The following NXPH2 variants were observed in gnomAD, a reference collection of about 807,000 sequenced individuals.
NXPH2 encodes neurexophilin-2.
Under a neutral mutation model 19.8 loss-of-function variants are expected in NXPH2, and 5 were observed. The ratio of observed to expected loss-of-function variants is 0.25; its 90% CI spans 0.13 to 0.53. The LOEUF (loss-of-function observed/expected upper bound fraction) is 0.53, where lower values mean the gene tolerates loss of function less well. NXPH2 is among the 20% of genes least tolerant of loss of function. The probability of loss-of-function intolerance (pLI) is 0.96; values close to 1 mark genes in which losing one functional copy is unlikely to be tolerated. For missense variants in NXPH2, 289 were observed against 322.8 expected (o/e 0.90, Z 0.80); for synonymous variants, 154 against 127.4 (o/e 1.21, Z -1.41).
intron 1 of NXPH2, among the ~76,000 whole-genome samples, chr2:138,673,944 G>A (rs2104964426): frequency 6.6e-6 from 1 of 151,896 alleles, no homozygotes; most frequent in South Asian, 2.1e-4. Flanking sequence ...ATATGTGTCT[G>A]TCTTATTTCA....
Position 138,670,844 on chromosome 2 carries a change from T to C in NXPH2, c.*78A>G, listed in dbSNP as rs141473891. Reference sequence around the variant, plus strand: ...TGCCAGAAACAAAAGGGATCCTTTATCATAAAGAGCTGGGCTTGTTTCTTT... The same window carrying C: ...TGCCAGAAACAAAAGGGATCCTTTACCATAAAGAGCTGGGCTTGTTTCTTT... On this transcript the variant is annotated 3_prime_UTR_variant, in exon 2 of 2. Transcript: ENST00000272641. The C allele has an allele frequency of 2.0e-4, 292 of 1,452,018 alleles. No individual in the cohort carries two copies. The African/African-American group carries it at 3.2e-3, about 16-fold the overall frequency. The allele number at this position is 1,452,018 out of a possible 1,614,324, so 89.9% of individuals were successfully genotyped here.
chr2:138,672,199 A>C (rs1013185903), intron 1 of NXPH2, among the ~76,000 whole-genome samples: 2 of 152,198 alleles, frequency 1.3e-5, no homozygotes, highest in Admixed American at 1.3e-4. Context: ...ACTCTGTAAC[A>C]AAAAAGCATG....
At chr2:138,717,943 T>C (rs766520086) in intron 1 of NXPH2, among the ~76,000 whole-genome samples, 4 of 151,546 alleles carry the variant, frequency 2.6e-5, no homozygotes, top group Non-Finnish European at 4.4e-5. Context: ...TATAATAGAG[T>C]TGAAAATCAA....
chr2:138,711,993 C>G (rs1219947223), intron 1 of NXPH2, among the ~76,000 whole-genome samples: 3 of 152,178 alleles, frequency 2.0e-5, no homozygotes, highest in Non-Finnish European at 4.4e-5. Context: ...AGATGGCTGG[C>G]TGCCAAGTGG....
chr2:138,680,836 T>C (rs1211953735), intron 1 of NXPH2, among the ~76,000 whole-genome samples: 9 of 152,248 alleles, frequency 5.9e-5, no homozygotes, highest in Non-Finnish European at 5.9e-5. Flanking sequence ...TGGTTCCAAA[T>C]TGTATATTGA....
intron 1 of NXPH2, among the ~76,000 whole-genome samples, chr2:138,769,871 G>C (rs1352535406): frequency 6.6e-6 from 1 of 152,122 alleles, no homozygotes; most frequent in African/African-American, 2.4e-5. Context: ...CACTCCCCTA[G>C]CTACCATTCT....
At chr2:138,732,938 A>G (rs1681474515) in intron 1 of NXPH2, among the ~76,000 whole-genome samples, 1 of 152,224 alleles carries the variant, frequency 6.6e-6, no homozygotes, top group East Asian at 1.9e-4. Flanking sequence ...TTGGTATTCC[A>G]TAAAATAAAC....
intron 1 of NXPH2, among the ~76,000 whole-genome samples, chr2:138,719,184 A>G (rs1681239785): frequency 6.6e-6 from 1 of 152,146 alleles, no homozygotes; most frequent in Admixed American, 6.5e-5. Flanking sequence ...TGGTCTTTGG[A>G]AAGAATGAGA....
intron 1 of NXPH2, among the ~76,000 whole-genome samples, chr2:138,671,921 A>G (rs1427579224): frequency 6.6e-6 from 1 of 152,226 alleles, no homozygotes; most frequent in East Asian, 1.9e-4. Flanking sequence ...ATGTGATTTT[A>G]GTCTCTGTTT....
intron 1 of NXPH2, among the ~76,000 whole-genome samples, chr2:138,684,626 A>G (rs2104971546): frequency 6.6e-6 from 1 of 152,304 alleles, no homozygotes; most frequent in Non-Finnish European, 1.5e-5. Context: ...ATCAGGGTCA[A>G]TTTTATCTAG....
chr2:138,687,307 T>A (rs905974108), intron 1 of NXPH2, among the ~76,000 whole-genome samples: 12 of 152,250 alleles, frequency 7.9e-5, no homozygotes, highest in African/African-American at 2.7e-4. Context: ...TGGCCAGTGA[T>A]GATGAGCATT....
chr2:138,707,637 T>G lies in NXPH2; in HGVS notation c.52-35972A>C, dbSNP rs181435122. ...TTGCATAAGCATTCTGGGAAGCTTA[T>G]GCACATTTGGAAAGCTTTTGCCATA... On this transcript the variant is annotated intron_variant, in intron 1 of 1. Transcript: ENST00000272641. Among the ~76,000 whole-genome samples the G allele has an allele frequency of 2.7e-4, 41 of 149,376 alleles. No homozygotes were observed. The East Asian group carries it at 8.0e-3, about 29-fold the overall frequency.
chr2:138,707,038 A>G (rs539710750), intron 1 of NXPH2, among the ~76,000 whole-genome samples: 2 of 145,692 alleles, frequency 1.4e-5, no homozygotes, highest in Non-Finnish European at 3.0e-5. Flanking sequence ...AAAAATGTAA[A>G]AATTCTAGAA....
intron 1 of NXPH2, among the ~76,000 whole-genome samples, chr2:138,744,685 G>A (rs149684293): frequency 6.6e-6 from 1 of 152,198 alleles, no homozygotes; most frequent in East Asian, 1.9e-4. Flanking sequence ...GGACCTGCTT[G>A]AACATGCTTC....
chr2:138,676,180 T>C (rs10197504), intron 1 of NXPH2, among the ~76,000 whole-genome samples: 2 of 151,994 alleles, frequency 1.3e-5, no homozygotes, highest in African/African-American at 4.8e-5. Context: ...AAAAGCTATC[T>C]GACAGTGGTT....
intron 1 of NXPH2, among the ~76,000 whole-genome samples, chr2:138,747,719 A>T (rs1388360269): frequency 6.6e-6 from 1 of 152,164 alleles, no homozygotes; most frequent in Non-Finnish European, 1.5e-5. Context: ...CCTGTTACAT[A>T]GGCCTGAGAA....
At chr2:138,735,511 C>T (rs958864349) in intron 1 of NXPH2, among the ~76,000 whole-genome samples, 2 of 152,112 alleles carry the variant, frequency 1.3e-5, no homozygotes, top group South Asian at 2.1e-4. Flanking sequence ...GAAGAAACTG[C>T]CCCCATGATT....
chr2:138,771,334 A>G (rs1682171160), intron 1 of NXPH2, among the ~76,000 whole-genome samples: 1 of 152,188 alleles, frequency 6.6e-6, no homozygotes, highest in African/African-American at 2.4e-5. Flanking sequence ...TGTGCATGAT[A>G]TAATTATTAT....
chr2:138,679,308 C>T (rs1680533886), intron 1 of NXPH2, among the ~76,000 whole-genome samples: 1 of 152,160 alleles, frequency 6.6e-6, no homozygotes, highest in South Asian at 2.1e-4. Context: ...CCTTGCTGTC[C>T]TAGGCCAGTG....
Sources: allele counts gnomAD v4.1 joint callset (sites outside exome capture counted in the v4.1 genomes callset), GRCh38; gene constraint gnomAD v4.1.1; transcripts MANE v1.5; gene names NCBI Gene and HGNC (gene_info 2026-07-23, HGNC 2026-07-21).